The following MRS2 variants were observed in gnomAD, a reference collection of about 807,000 sequenced individuals.
MRS2 encodes the protein magnesium transporter MRS2 homolog, mitochondrial.
MRS2 carries 40 observed loss-of-function variants against 52.6 expected under a neutral mutation model. The ratio of observed to expected loss-of-function variants is 0.76; its 90% CI spans 0.59 to 0.99. The LOEUF (loss-of-function observed/expected upper bound fraction) is 0.99, where lower values mean the gene tolerates loss of function less well. Among genes scored for constraint, MRS2 ranks in the 50% least tolerant of loss-of-function variants. The pLI, the probability that MRS2 is intolerant of heterozygous loss-of-function variation, is 0.00. For synonymous variants in MRS2, 193 were observed against 195.9 expected (o/e 0.98, Z 0.13); for missense variants, 472 against 532.7 (o/e 0.89, Z 1.12).
chr6:24,420,391 A>G (rs1221147495), intron 9 of MRS2, among the ~76,000 whole-genome samples: 1 of 152,244 alleles, frequency 6.6e-6, no homozygotes, highest in Non-Finnish European at 1.5e-5. Flanking sequence ...GCAAAAGAGC[A>G]TGAGCTCCTT....
chr6:24,413,145 G>T (rs764059257), intron 5 of MRS2, among the ~76,000 whole-genome samples: 4 of 152,108 alleles, frequency 2.6e-5, no homozygotes, highest in Admixed American at 2.0e-4. Context: ...GAAAGCAGAA[G>T]AGAGAAAGAA....
intron 5 of MRS2, among the ~76,000 whole-genome samples, chr6:24,412,742 G>A (rs570499467): frequency 6.6e-6 from 1 of 152,238 alleles, no homozygotes; most frequent in African/African-American, 2.4e-5. Flanking sequence ...TAGGAATCAC[G>A]CACAGTTCTT....
rs767636628 is a variant in MRS2 at position 24,409,457 on chromosome 6, A to T, written c.302-4A>T. ...TTAGCCCTCTCTGTTTATTTCTTTTATAGAAAGGAAGAAAACTGAATTATA... is the reference window on the plus strand; with the variant it reads ...TTAGCCCTCTCTGTTTATTTCTTTTTTAGAAAGGAAGAAAACTGAATTATA... On this transcript the variant is annotated splice_polypyrimidine_tract_variant and splice_region_variant and intron_variant, in intron 3 of 10. Coordinates refer to ENST00000378386, the MANE Select transcript of MRS2 (RefSeq NM_020662.4). 3.2e-6 allele frequency: 5 copies of T among 1,573,908 alleles called. No individual in the cohort carries two copies. The highest frequency in any genetic ancestry group is 4.3e-6 in the Non-Finnish European group (5 of 1,149,690).
rs1761692531 is a variant in MRS2, at chr6:24,412,299, C to G, written c.492C>G (p.Phe164Leu). Residue 164 changes from phenylalanine to leucine, a missense_variant, in exon 5 of 11, where the codon TTC becomes TTG. Physicochemically the swap from Phe to Leu is conservative, Grantham distance 22. Transcript: ENST00000378386. ...ATTTAAACTTAGAGCAATGGCTGTTCCGGGAACTCCCTTCACAGTTGTCTG... is the reference window on the plus strand; with the variant it reads ...ATTTAAACTTAGAGCAATGGCTGTTGCGGGAACTCCCTTCACAGTTGTCTG... Reference protein sequence around the residue: ...YRNLNLEQWLFRELPSQLSGE... With the variant: ...YRNLNLEQWLLRELPSQLSGE... 2.5e-6 allele frequency: 4 copies of G among 1,604,870 alleles called. No individual in the cohort carries two copies. The highest frequency in any genetic ancestry group is 3.4e-6 in the Non-Finnish European group (4 of 1,175,790).
At chr6:24,422,168 G>A (rs1417995184) in intron 9 of MRS2, among the ~76,000 whole-genome samples, 2 of 152,036 alleles carry the variant, frequency 1.3e-5, no homozygotes, top group Non-Finnish European at 2.9e-5. Flanking sequence ...AAAAAGAGGA[G>A]GCAGATTTCT....
intron 2 of MRS2, among the ~76,000 whole-genome samples, chr6:24,407,766 G>A (rs1366876038): frequency 6.6e-6 from 1 of 152,170 alleles, no homozygotes; most frequent in Non-Finnish European, 1.5e-5. Flanking sequence ...TAAGGGACAG[G>A]AGAAACAACA....
intron 1 of MRS2, among the ~76,000 whole-genome samples, chr6:24,403,944 G>GA (rs1016306316): frequency 2.6e-5 from 4 of 151,282 alleles, no homozygotes; most frequent in African/African-American, 2.4e-5. Context: ...ATCGGATTGA[G>GA]AAAAAAAAAT....
At chr6:24,422,413 A>G (rs1762075655) in intron 9 of MRS2, among the ~76,000 whole-genome samples, 1 of 152,196 alleles carries the variant, frequency 6.6e-6, no homozygotes, top group Admixed American at 6.5e-5. Context: ...ATGTTTTTCT[A>G]AGTCTGAGGT....
In MRS2 at chr6:24,418,899, CA is replaced by C. The variant is rs539279192; in HGVS notation, c.1107+330del. The stretch of plus-strand genomic sequence containing the variant: ...GGGAGACAGAGTGAGACTCTGTCTC[CA>C]AAAAAAAAGATTGGGTTTTGAAGAT... On this transcript the variant is annotated intron_variant, in intron 9 of 10. Transcript: ENST00000378386. 4.8e-4 allele frequency: 79 copies of C among 165,406 alleles called. No homozygotes were observed. The South Asian group carries it at 7.6e-3, about 16-fold the overall frequency. 10.2% of individuals were successfully genotyped at this position (165,406 alleles called of 1,614,324 possible). A position where few individuals can be genotyped will look rare whatever the true frequency, so the allele number is the denominator to read the frequency against.
chr6:24,416,107 T>G (rs963819974), intron 6 of MRS2, among the ~76,000 whole-genome samples: 9 of 152,132 alleles, frequency 5.9e-5, no homozygotes, highest in African/African-American at 2.2e-4. Flanking sequence ...AATTTTTTTG[T>G]AGAGACAAGA....
At chr6:24,406,451 T>C (rs987597325) in intron 2 of MRS2, among the ~76,000 whole-genome samples, 1 of 152,146 alleles carries the variant, frequency 6.6e-6, no homozygotes, top group Non-Finnish European at 1.5e-5. Context: ...TATTCATTGT[T>C]CTGGAAGAGT....
chr6:24,412,389 A>G lies in MRS2; in HGVS notation c.582A>G (p.Gln194=), dbSNP rs533286054. The change falls in exon 5 of 11, where the codon CAA becomes CAG. Residue 194 remains glutamine, a synonymous_variant. Coordinates refer to ENST00000378386, the MANE Select transcript of MRS2 (RefSeq NM_020662.4). The stretch of plus-strand genomic sequence containing the variant: ...TTAGAGCTATAGAAGCACTCCTGCA[A>G]TATTGGGTAAGTCTGTTTTTATTTA... ...FEFRAIEALL[Q]YWINTLQGKL... 3.2e-6 allele frequency: 5 copies of G among 1,543,694 alleles called. No homozygotes were observed. In the East Asian group the frequency reaches 7.1e-5, roughly 22 times the overall value.
At chr6:24,413,732 C>G (rs765473951) in intron 5 of MRS2, among the ~76,000 whole-genome samples, 10 of 152,098 alleles carry the variant, frequency 6.6e-5, no homozygotes, top group Admixed American at 3.9e-4. Context: ...GGACTTGTTT[C>G]CAAATAAAAA....
rs186107435 is a variant in MRS2 at position 24,414,151 on chromosome 6, T to A, written c.589-882T>A. ...GTCTATAGGAGAAAGACTTTTTTTT[T>A]TAAATTTTTTTAGTATTTATTGATC... is the stretch of plus-strand genomic sequence containing the variant. On this transcript the variant is annotated intron_variant, in intron 5 of 10. Coordinates refer to ENST00000378386, the MANE Select transcript of MRS2 (RefSeq NM_020662.4). 6.1e-3 allele frequency among the ~76,000 whole-genome samples: 929 copies of A among 152,306 alleles called. 1 individual carries two copies. The highest frequency in any genetic ancestry group is 0.01 in the Admixed American group (155 of 15,298).
chr6:24,411,920 T>G (rs1761671160), intron 4 of MRS2, among the ~76,000 whole-genome samples: 1 of 150,840 alleles, frequency 6.6e-6, no homozygotes, highest in Non-Finnish European at 1.5e-5. Context: ...AATATATAAT[T>G]TATGTGAATA....
intron 9 of MRS2, 160 bp downstream of exon 9, chr6:24,418,738 A>C (rs1761943815): frequency 3.8e-6 from 2 of 519,644 alleles, no homozygotes; most frequent in Admixed American, 3.1e-5. Flanking sequence ...GTCTCTACTA[A>C]AAATACAAAA....
intron 9 of MRS2, among the ~76,000 whole-genome samples, chr6:24,422,655 A>C (rs1269565131): frequency 6.6e-6 from 1 of 152,214 alleles, no homozygotes; most frequent in South Asian, 2.1e-4. Flanking sequence ...ATCATGACTT[A>C]AGATTTGCAC....
At chr6:24,403,292 C>T (rs766095181) in intron 1 of MRS2, 56 bp downstream of exon 1, 165 of 1,456,164 alleles carry the variant, frequency 1.1e-4, no homozygotes, top group Non-Finnish European at 1.4e-4. Context: ...TGACCTTAGA[C>T]TGCTGCCCCA....
chr6:24,402,952 G>C lies in MRS2; in HGVS notation c.-95G>C, dbSNP rs530507197. The C allele has an allele frequency of 1.4e-4, 162 of 1,195,744 alleles. No homozygotes were observed. The highest frequency in any genetic ancestry group is 1.2e-3 in the Middle Eastern group (6 of 4,848). The allele number at this position is 1,195,744 out of a possible 1,614,324, so 74.1% of individuals were successfully genotyped here. A position where few individuals can be genotyped will look rare whatever the true frequency, so the allele number is the denominator to read the frequency against. ...GCCTGGTGCACAGAGTCTGCAGGTC[G>C]GGCGGTAGCGACAGGTCAGAGCTGC... On this transcript the variant is annotated 5_prime_UTR_variant, in exon 1 of 11. Coordinates refer to ENST00000378386, the MANE Select transcript of MRS2 (RefSeq NM_020662.4).
Sources: allele counts gnomAD v4.1 joint callset (sites outside exome capture counted in the v4.1 genomes callset), GRCh38; gene constraint gnomAD v4.1.1; transcripts MANE v1.5; gene names NCBI Gene and HGNC (gene_info 2026-07-23, HGNC 2026-07-21).